TBL1XR1: variants seen among roughly 807,000 people sequenced by gnomAD.
TBL1XR1 encodes the protein TBL1X/Y related 1.
A neutral mutation model predicts 66.9 loss-of-function variants in TBL1XR1; 5 were observed. That is an observed-to-expected ratio of 0.07 (90% CI 0.04 to 0.16). The LOEUF is 0.16. Among genes scored for constraint, TBL1XR1 ranks in the 10% least tolerant of loss-of-function variants. The pLI, the probability that TBL1XR1 is intolerant of heterozygous loss-of-function variation, is 1.00. For missense variants in TBL1XR1, 238 were observed against 623.2 expected, an observed-to-expected ratio of 0.38 and a Z score of 6.58; for synonymous variants, 210 against 206.0, an observed-to-expected ratio of 1.02 and a Z score of -0.17.
At chr3:177,065,726 G>A (rs1213301236) in intron 2 of TBL1XR1, among the ~76,000 whole-genome samples, 1 of 152,306 alleles carries the variant, frequency 6.6e-6, no homozygotes, top group South Asian at 2.1e-4. Context: ...GAGAGGTCAG[G>A]AAACTTTTAT....
rs764951521 is a variant in TBL1XR1, at chr3:177,071,031, G to GTTTTTTTTTTTTTTTTTTTTTTTTT, written c.-45-6010_-45-6009insAAAAAAAAAAAAAAAAAAAAAAAAA. On this transcript the variant is annotated intron_variant, in intron 2 of 15. Transcript: ENST00000457928. ...TGGAACAGACATGTTCTGAGAATCTGTTTTTTTTTTTTTTTTTGAGACAGA... is the reference window on the plus strand; with the variant it reads ...TGGAACAGACATGTTCTGAGAATCTGTTTTTTTTTTTTTTTTTTTTTTTTTTTTTTTTTTTTTTTTTTGAGACAGA... Among the ~76,000 whole-genome samples the GTTTTTTTTTTTTTTTTTTTTTTTTT allele has an allele frequency of 1.1e-4, 11 of 104,686 alleles. 1 individual carries two copies. Among genetic ancestry groups the GTTTTTTTTTTTTTTTTTTTTTTTTT allele is most frequent in the African/African-American group, 3.5e-4 (9 of 25,846 alleles). 68.7% of individuals were successfully genotyped at this position (104,686 alleles called of 152,430 possible).
chr3:177,109,971 A>T (rs2108714972), intron 1 of TBL1XR1, among the ~76,000 whole-genome samples: 1 of 152,298 alleles, frequency 6.6e-6, no homozygotes, highest in East Asian at 1.9e-4. Context: ...TGGAAGGCAT[A>T]CCTAGAACAC....
intron 1 of TBL1XR1, among the ~76,000 whole-genome samples, chr3:177,144,030 G>C (rs1281982770): frequency 6.6e-6 from 1 of 151,538 alleles, no homozygotes; most frequent in Non-Finnish European, 1.5e-5. Context: ...CGGATCACCT[G>C]AGGTAGGGAG....
At chr3:177,107,851 A>G (rs1725072603) in intron 1 of TBL1XR1, among the ~76,000 whole-genome samples, 1 of 152,202 alleles carries the variant, frequency 6.6e-6, no homozygotes, top group Non-Finnish European at 1.5e-5. Context: ...CTTCTCAGTC[A>G]TTGGCACGCA....
chr3:177,192,557 G>A (rs1736296203), intron 1 of TBL1XR1, among the ~76,000 whole-genome samples: 2 of 152,128 alleles, frequency 1.3e-5, no homozygotes, highest in Admixed American at 6.5e-5. Context: ...CATAGTATAT[G>A]TAAGCCTTAA....
At chr3:177,035,249 T>C (rs1714607675) in intron 12 of TBL1XR1, among the ~76,000 whole-genome samples, 1 of 152,142 alleles carries the variant, frequency 6.6e-6, no homozygotes, top group African/African-American at 2.4e-5. Context: ...TGAAATAAGT[T>C]TCCTCTACAT....
chr3:177,085,127 A>G (rs566055908), intron 2 of TBL1XR1, among the ~76,000 whole-genome samples: 1 of 152,320 alleles, frequency 6.6e-6, no homozygotes, highest in Non-Finnish European at 1.5e-5. Context: ...TAAATCCCTA[A>G]GAGAGAGCTG....
intron 1 of TBL1XR1, among the ~76,000 whole-genome samples, chr3:177,163,546 G>A (rs1732469459): frequency 1.3e-5 from 2 of 151,716 alleles, no homozygotes; most frequent in South Asian, 4.1e-4. Context: ...GTAGATGTGA[G>A]AAGATGTAAA....
chr3:177,113,211 TTA>T (rs558778843), intron 1 of TBL1XR1, among the ~76,000 whole-genome samples: 7 of 149,442 alleles, frequency 4.7e-5, no homozygotes, highest in African/African-American at 1.7e-4. Flanking sequence ...TATACAAAAA[TTA>T]AACAAAAAAA....
chr3:177,058,034 G>A (rs1454870501), intron 3 of TBL1XR1, among the ~76,000 whole-genome samples: 1 of 152,134 alleles, frequency 6.6e-6, no homozygotes, highest in Non-Finnish European at 1.5e-5. Flanking sequence ...TAGTCATACA[G>A]AGCCTGCCAA....
chr3:177,087,387 C>T (rs1235828860), intron 2 of TBL1XR1, among the ~76,000 whole-genome samples: 1 of 151,920 alleles, frequency 6.6e-6, no homozygotes, highest in Non-Finnish European at 1.5e-5. Flanking sequence ...TCCCAATAAA[C>T]ATCTGACAGG....
intron 2 of TBL1XR1, among the ~76,000 whole-genome samples, chr3:177,085,780 G>GA (rs1157441873): frequency 6.6e-6 from 1 of 152,094 alleles, no homozygotes; most frequent in East Asian, 1.9e-4. Flanking sequence ...CAAAAGTAAT[G>GA]AAAAAATCTA....
intron 1 of TBL1XR1, among the ~76,000 whole-genome samples, chr3:177,179,929 G>T (rs140585460): frequency 6.6e-6 from 1 of 152,112 alleles, no homozygotes; most frequent in African/African-American, 2.4e-5. Context: ...AAGTAGAGAA[G>T]CAACAAATTA....
intron 2 of TBL1XR1, chr3:177,078,512 G>A (rs1433674344): frequency 4.6e-5 from 7 of 151,268 alleles, no homozygotes. Context: ...TTGGGCCCAG[G>A]AGTTTGAGGC....
At chr3:177,034,692 G>A (rs1292168718) in intron 12 of TBL1XR1, among the ~76,000 whole-genome samples, 1 of 151,576 alleles carries the variant, frequency 6.6e-6, no homozygotes, top group South Asian at 2.1e-4. Flanking sequence ...TTTAGAATCA[G>A]GAAAATTTTA....
intron 2 of TBL1XR1, among the ~76,000 whole-genome samples, chr3:177,095,974 T>A (rs992399924): frequency 3.3e-5 from 5 of 152,132 alleles, no homozygotes; most frequent in African/African-American, 1.2e-4. Flanking sequence ...TATCAAAATA[T>A]CACATGTACC....
intron 2 of TBL1XR1, among the ~76,000 whole-genome samples, chr3:177,067,576 T>C (rs752031350): frequency 1.8e-4 from 28 of 152,214 alleles, no homozygotes; most frequent in Non-Finnish European, 3.1e-4. Context: ...AATAAATATA[T>C]ATTGCTGGTA....
At chr3:177,179,240 A>C (rs1160317795) in intron 1 of TBL1XR1, among the ~76,000 whole-genome samples, 3 of 152,072 alleles carry the variant, frequency 2.0e-5, no homozygotes, top group Non-Finnish European at 4.4e-5. Flanking sequence ...CAACAGGAAG[A>C]ATTCACAAGT....
At chr3:177,155,673 T>C (rs553835263) in intron 1 of TBL1XR1, among the ~76,000 whole-genome samples, 9 of 152,118 alleles carry the variant, frequency 5.9e-5, no homozygotes, top group South Asian at 2.1e-4. Flanking sequence ...AATAGTCACA[T>C]AGAAAAAAAA....
Sources: gnomAD v4.1 joint callset for allele counts (sites outside exome capture counted in the v4.1 genomes callset) on GRCh38, gnomAD v4.1.1 for gene constraint, MANE v1.5 for transcripts, NCBI Gene and HGNC (gene_info 2026-07-23, HGNC 2026-07-21) for gene names.